CCBE1: variants seen among roughly 807,000 people sequenced by gnomAD.
The protein encoded by CCBE1 is collagen and calcium binding EGF domains 1.
A neutral mutation model predicts 50.0 loss-of-function variants in CCBE1; 37 were observed. That is an observed-to-expected ratio of 0.74 (90% CI 0.57 to 0.97). The LOEUF is 0.97. CCBE1 is among the 50% of genes least tolerant of loss of function. The pLI, the probability that CCBE1 is intolerant of heterozygous loss-of-function variation, is 0.00. For synonymous variants in CCBE1, 234 were observed against 203.7 expected, an observed-to-expected ratio of 1.15 and a Z score of -1.27; for missense variants, 538 against 523.8, an observed-to-expected ratio of 1.03 and a Z score of -0.26.
intron 2 of CCBE1, among the ~76,000 whole-genome samples, chr18:59,485,518 C>T (rs921214483): frequency 5.3e-4 from 81 of 151,918 alleles, no homozygotes; most frequent in African/African-American, 1.9e-3. Context: ...TGCAAGGGTA[C>T]ATTTTTCTAT....
intron 2 of CCBE1, among the ~76,000 whole-genome samples, chr18:59,588,609 G>C (rs139049814): frequency 1.3e-5 from 2 of 152,288 alleles, no homozygotes; most frequent in East Asian, 3.9e-4. Context: ...ATAGCAAGAA[G>C]TATTTCTCTT....
At chr18:59,682,091 C>T (rs943407405) in intron 2 of CCBE1, among the ~76,000 whole-genome samples, 16 of 152,290 alleles carry the variant, frequency 1.1e-4, no homozygotes, top group Admixed American at 4.6e-4. Flanking sequence ...AGACCGGGCG[C>T]GTTGGCTCAT....
chr18:59,466,979 A>G (rs1911781235), intron 4 of CCBE1, 88 bp from the exon 5 acceptor site: 6 of 1,205,194 alleles, frequency 5.0e-6, no homozygotes, highest in East Asian at 2.4e-5. Flanking sequence ...CTCTCTGTTA[A>G]TAACAATGAA....
intron 2 of CCBE1, among the ~76,000 whole-genome samples, chr18:59,636,789 A>G (rs1339564704): frequency 6.6e-6 from 1 of 152,234 alleles, no homozygotes; most frequent in Non-Finnish European, 1.5e-5. Flanking sequence ...CTGTTTATAC[A>G]TGGATACAAC....
At chr18:59,635,247 A>G (rs554943331) in intron 2 of CCBE1, among the ~76,000 whole-genome samples, 1 of 152,374 alleles carries the variant, frequency 6.6e-6, no homozygotes, top group Admixed American at 6.5e-5. Flanking sequence ...GCAATCTAGA[A>G]TTGCGGATAT....
chr18:59,491,587 G>C (rs1225288994), intron 2 of CCBE1, among the ~76,000 whole-genome samples: 3 of 141,592 alleles, frequency 2.1e-5, no homozygotes, highest in Non-Finnish European at 3.2e-5. Flanking sequence ...GCCAAGGCGG[G>C]CGGATCACCT....
intron 2 of CCBE1, among the ~76,000 whole-genome samples, chr18:59,481,408 T>C (rs1912564540): frequency 6.6e-6 from 1 of 152,060 alleles, no homozygotes; most frequent in Non-Finnish European, 1.5e-5. Context: ...AAAATATATT[T>C]GAAAAAACAG....
intron 5 of CCBE1, among the ~76,000 whole-genome samples, chr18:59,463,187 T>C (rs1911574549): frequency 6.6e-6 from 1 of 152,014 alleles, no homozygotes; most frequent in South Asian, 2.1e-4. Flanking sequence ...TTTCCCACCC[T>C]AGCCTGCCCC....
chr18:59,669,646 A>C (rs563799217), intron 2 of CCBE1, among the ~76,000 whole-genome samples: 1 of 152,198 alleles, frequency 6.6e-6, no homozygotes, highest in Non-Finnish European at 1.5e-5. Flanking sequence ...CTGGAGGAAC[A>C]CCCGCGGTGC....
At chr18:59,600,683 T>C (rs1414198630) in intron 2 of CCBE1, among the ~76,000 whole-genome samples, 2 of 152,178 alleles carry the variant, frequency 1.3e-5, no homozygotes, top group Non-Finnish European at 2.9e-5. Flanking sequence ...AGTGGCTTCA[T>C]AGCTTTCTCT....
intron 2 of CCBE1, among the ~76,000 whole-genome samples, chr18:59,561,012 C>A (rs191280218): frequency 2.6e-5 from 4 of 151,882 alleles, no homozygotes; most frequent in Admixed American, 1.3e-4. Flanking sequence ...AGCGTCCCCC[C>A]ATTCCAAATG....
chr18:59,657,203 TC>T (rs1483520351), intron 2 of CCBE1, among the ~76,000 whole-genome samples: 1 of 152,206 alleles, frequency 6.6e-6, no homozygotes, highest in East Asian at 1.9e-4. Context: ...TAGAAAAGCA[TC>T]CAGCCAATGA....
intron 2 of CCBE1, among the ~76,000 whole-genome samples, chr18:59,626,397 G>A (rs930346595): frequency 2.6e-5 from 4 of 152,186 alleles, no homozygotes; most frequent in Non-Finnish European, 5.9e-5. Context: ...CAGCTGACAT[G>A]GGGGTATTTT....
intron 2 of CCBE1, chr18:59,686,216 G>T (rs560631580): frequency 2.0e-5 from 3 of 152,346 alleles, no homozygotes; most frequent in African/African-American, 7.2e-5. Flanking sequence ...GGTTTTTGGG[G>T]TCAGTGGGAA....
Position 59,439,684 on chromosome 18 carries a change from C to T in CCBE1, c.908G>A (p.Gly303Asp), listed in dbSNP as rs910905653. 8 of 1,614,250 alleles carry T rather than the reference C, an allele frequency of 5.0e-6. No homozygotes were observed. Among genetic ancestry groups the T allele is most frequent in the Non-Finnish European group, 6.8e-6 (8 of 1,180,042 alleles). ...CTCTGATAAGATACTGACCACAGGG[C>T]CCCTCCGGCCTTGCTTAATGTGGGA... Reference protein sequence around the residue: ...DLSHIKQGRRGPVGPPGAPGR... With the variant: ...DLSHIKQGRRDPVGPPGAPGR... The change falls in exon 8 of 11, where the codon GGC (glycine) becomes GAC (aspartate). Residue 303 changes from glycine to aspartate, a missense_variant. Transcript: ENST00000439986.
At chr18:59,510,393 A>G (rs575914834) in intron 2 of CCBE1, among the ~76,000 whole-genome samples, 1 of 152,310 alleles carries the variant, frequency 6.6e-6, no homozygotes, top group South Asian at 2.1e-4. Flanking sequence ...ATTAGTCTTT[A>G]TAATATGAAT....
In CCBE1 at chr18:59,616,462, A is replaced by G. The variant is rs191232678; in HGVS notation, c.212+80167T>C. ...AGTATAGATATTAAGCACATGACCA[A>G]CTAAAAAGCCGCCCCTTTCCCTTCT... On this transcript the variant is annotated intron_variant, in intron 2 of 10. Coordinates refer to ENST00000439986, the MANE Select transcript of CCBE1 (RefSeq NM_133459.4). 7.7e-4 allele frequency among the ~76,000 whole-genome samples: 118 copies of G among 152,350 alleles called. 1 individual carries two copies. The highest frequency in any genetic ancestry group is 2.7e-3 in the African/African-American group (111 of 41,584).
chr18:59,566,566 T>G (rs191749964), intron 2 of CCBE1, among the ~76,000 whole-genome samples: 5 of 152,208 alleles, frequency 3.3e-5, no homozygotes, highest in East Asian at 1.9e-4. Context: ...GAAAAGGCAC[T>G]GATAAAGTAG....
At chr18:59,520,587 G>A (rs1914555361) in intron 2 of CCBE1, among the ~76,000 whole-genome samples, 5 of 152,252 alleles carry the variant, frequency 3.3e-5, no homozygotes, top group Admixed American at 3.3e-4. Flanking sequence ...AAGGAAACGT[G>A]TTGCAGTTTT....
Sources: gnomAD v4.1 joint callset for allele counts (sites outside exome capture counted in the v4.1 genomes callset) on GRCh38, gnomAD v4.1.1 for gene constraint, MANE v1.5 for transcripts, NCBI Gene and HGNC (gene_info 2026-07-23, HGNC 2026-07-21) for gene names.